Variants in USP10 observed in about 807,000 individuals in gnomAD.
USP10 encodes the protein ubiquitin specific peptidase 10.
A neutral mutation model predicts 84.5 loss-of-function variants in USP10; 22 were observed. That is an observed-to-expected ratio of 0.26 (90% CI 0.19 to 0.37). The LOEUF is 0.37. Among genes scored for constraint, USP10 ranks in the 10% least tolerant of loss-of-function variants. The probability of loss-of-function intolerance (pLI) is 1.00; values close to 1 mark genes in which losing one functional copy is unlikely to be tolerated. For missense variants in USP10, 1,019 were observed against 998.9 expected, an observed-to-expected ratio of 1.02 and a Z score of -0.27; for synonymous variants, 454 against 387.6, an observed-to-expected ratio of 1.17 and a Z score of -2.01.
chr16:84,715,525 T>A (rs999362129), intron 1 of USP10, among the ~76,000 whole-genome samples: 1 of 152,236 alleles, frequency 6.6e-6, no homozygotes, highest in Non-Finnish European at 1.5e-5. Context: ...CATGAGCCAG[T>A]GAGTCCACCT....
At chr16:84,709,478 AG>A (rs1014991691) in intron 1 of USP10, among the ~76,000 whole-genome samples, 2 of 152,064 alleles carry the variant, frequency 1.3e-5, no homozygotes, top group African/African-American at 4.8e-5. Flanking sequence ...AGTGTGGAAG[AG>A]GGGGTGGTAC....
intron 4 of USP10, among the ~76,000 whole-genome samples, chr16:84,753,005 C>A (rs1912112190): frequency 6.6e-6 from 1 of 151,930 alleles, no homozygotes; most frequent in Admixed American, 6.6e-5. Flanking sequence ...CTTGCTCATT[C>A]ATTCAGGCTG....
chr16:84,735,696 A>T (rs541691737), intron 2 of USP10, among the ~76,000 whole-genome samples: 1 of 152,180 alleles, frequency 6.6e-6, no homozygotes, highest in East Asian at 1.9e-4. Context: ...AGAAGACGTG[A>T]CTGTGTCTCA....
chr16:84,724,136 A>C (rs1039379630), intron 1 of USP10, among the ~76,000 whole-genome samples: 8 of 152,244 alleles, frequency 5.3e-5, no homozygotes. Context: ...AATGAGGGCT[A>C]TCTATATTAC....
At chr16:84,706,446 C>T (rs188862785) in intron 1 of USP10, among the ~76,000 whole-genome samples, 1 of 150,404 alleles carries the variant, frequency 6.6e-6, no homozygotes, top group Non-Finnish European at 1.5e-5. Flanking sequence ...GTAATAATTT[C>T]CCTTACGTGG....
At chr16:84,767,209 G>A (rs937216749) in intron 10 of USP10, among the ~76,000 whole-genome samples, 5 of 151,900 alleles carry the variant, frequency 3.3e-5, no homozygotes, top group African/African-American at 7.3e-5. Context: ...ATTTTATTCC[G>A]TTGAGAAACT....
At chr16:84,764,681 A>C (rs1913620614) in intron 10 of USP10, among the ~76,000 whole-genome samples, 1 of 152,050 alleles carries the variant, frequency 6.6e-6, no homozygotes, top group Non-Finnish European at 1.5e-5. Flanking sequence ...AAATACAAAA[A>C]TCAACCAGGT....
At chr16:84,731,273 C>A (rs12929725) in intron 1 of USP10, among the ~76,000 whole-genome samples, 29,229 of 151,492 alleles carry the variant, frequency 0.19, 3,438 homozygotes, top group East Asian at 0.37. Flanking sequence ...GCCACCGCTC[C>A]CGGCCTCTAC....
chr16:84,759,530 G>A lies in USP10; in HGVS notation c.1394+58G>A, dbSNP rs1316710734. On this transcript the variant is annotated intron_variant, in intron 6 of 13. Transcript: ENST00000219473. ...TGGGGTTTTTCCCGTCTGATAATTA[G>A]AATTGAAATAGTTTAGTAAAGCTCT... 2.0e-6 allele frequency: 3 copies of A among 1,466,182 alleles called. No individual in the cohort carries two copies. In the East Asian group the frequency reaches 6.8e-5, roughly 33 times the overall value. 90.8% of individuals were successfully genotyped at this position (1,466,182 alleles called of 1,614,324 possible).
chr16:84,744,576 C>T (rs1910986649), intron 3 of USP10, 57 bp from the exon 4 acceptor site: 2 of 1,432,748 alleles, frequency 1.4e-6, no homozygotes, highest in Admixed American at 5.3e-5. Context: ...TGAGTAATTA[C>T]TGGTACTTAG....
chr16:84,720,965 C>G (rs540743169), intron 1 of USP10, among the ~76,000 whole-genome samples: 2 of 149,504 alleles, frequency 1.3e-5, no homozygotes. Flanking sequence ...GCGATCTCAG[C>G]TCACGGCAAC....
At chr16:84,727,770 C>T (rs988924141) in intron 1 of USP10, among the ~76,000 whole-genome samples, 4 of 152,226 alleles carry the variant, frequency 2.6e-5, no homozygotes, top group Non-Finnish European at 5.9e-5. Context: ...ACTGTAGCCA[C>T]TTAATCCTAA....
intron 1 of USP10, among the ~76,000 whole-genome samples, chr16:84,703,768 G>T (rs918879331): frequency 1.3e-5 from 2 of 152,196 alleles, no homozygotes; most frequent in African/African-American, 2.4e-5. Flanking sequence ...TTGTGAGCCA[G>T]TGGTCGCCTT....
At chr16:84,704,198 G>A (rs970536820) in intron 1 of USP10, among the ~76,000 whole-genome samples, 1 of 151,904 alleles carries the variant, frequency 6.6e-6, no homozygotes, top group African/African-American at 2.4e-5. Context: ...TATAATTTCA[G>A]ACATGTAGGT....
chr16:84,751,917 T>A (rs1277835126), intron 4 of USP10, among the ~76,000 whole-genome samples: 1 of 152,190 alleles, frequency 6.6e-6, no homozygotes, highest in Non-Finnish European at 1.5e-5. Context: ...AATCATAGCT[T>A]ATGATGACAT....
intron 1 of USP10, among the ~76,000 whole-genome samples, chr16:84,716,009 G>T (rs1045319722): frequency 6.6e-6 from 1 of 152,088 alleles, no homozygotes. Flanking sequence ...CCTTTGGGTC[G>T]TCCCTCAACC....
rs781520737 is a variant in USP10, at chr16:84,730,666, TCTC to T, written c.22-2762_22-2760del. On this transcript the variant is annotated intron_variant, in intron 1 of 13. Coordinates refer to ENST00000219473, the MANE Select transcript of USP10 (RefSeq NM_005153.3). ...GGCTTGGAATCTTGTTTTCTCCTCC[TCTC>T]CTCCTCTGCTGCCAAGATTTTTATC... Among the ~76,000 whole-genome samples the T allele has an allele frequency of 3.3e-5, 5 of 152,206 alleles. No individual in the cohort carries two copies. In the East Asian group the frequency reaches 7.7e-4, roughly 23 times the overall value.
chr16:84,731,408 A>G (rs1909215734), intron 1 of USP10, among the ~76,000 whole-genome samples: 1 of 151,992 alleles, frequency 6.6e-6, no homozygotes, highest in South Asian at 2.1e-4. Flanking sequence ...TTTATTCTTA[A>G]TATTTGCATT....
At chr16:84,716,859 C>A (rs1304540935) in intron 1 of USP10, among the ~76,000 whole-genome samples, 1 of 152,184 alleles carries the variant, frequency 6.6e-6, no homozygotes, top group Non-Finnish European at 1.5e-5. Flanking sequence ...CATAATTCAT[C>A]ATAATGATCC....
Sources: allele counts gnomAD v4.1 joint callset (sites outside exome capture counted in the v4.1 genomes callset), GRCh38; gene constraint gnomAD v4.1.1; transcripts MANE v1.5; gene names NCBI Gene and HGNC (gene_info 2026-07-23, HGNC 2026-07-21).